Variants in FAM20A observed in about 807,000 individuals in gnomAD.
FAM20A encodes the protein FAM20A golgi associated secretory pathway pseudokinase.
FAM20A carries 42 observed loss-of-function variants against 52.0 expected under a neutral mutation model. The observed-to-expected ratio is 0.81, with a 90% CI of 0.63 to 1.04. FAM20A has a LOEUF of 1.04. Ranked by LOEUF, FAM20A falls within the 50% of genes least tolerant of loss-of-function variation. FAM20A has a pLI of 0.00. For missense variants in FAM20A, 742 were observed against 712.7 expected (o/e 1.04, Z -0.47); for synonymous variants, 304 against 298.9 (o/e 1.02, Z -0.18).
chr17:68,591,622 C>G lies in FAM20A; in HGVS notation c.404+8641G>C, dbSNP rs114447001. 2.2e-3 allele frequency among the ~76,000 whole-genome samples: 329 copies of G among 152,350 alleles called. 4 individuals carry two copies. The highest frequency in any genetic ancestry group is 7.6e-3 in the African/African-American group (315 of 41,592). On this transcript the variant is annotated intron_variant, in intron 1 of 10. Coordinates refer to ENST00000592554, the MANE Select transcript of FAM20A (RefSeq NM_017565.4). ...GCTAAGGGTCCCTGGCGAAACCCCA[C>G]CTTCAAGCCTAAAACAGCCTGAAGG... is the stretch of plus-strand genomic sequence containing the variant.
At chr17:68,564,109 TGTC>T (rs2087303228) in intron 1 of FAM20A, among the ~76,000 whole-genome samples, 1 of 151,988 alleles carries the variant, frequency 6.6e-6, no homozygotes, top group South Asian at 2.1e-4. Context: ...TCAATGCTAG[TGTC>T]GTTGCTATGA....
At chr17:68,596,201 C>CCACACACA (rs140687859) in intron 1 of FAM20A, among the ~76,000 whole-genome samples, 24 of 149,572 alleles carry the variant, frequency 1.6e-4, no homozygotes, top group Non-Finnish European at 2.4e-4. Context: ...ATGTGGGAAA[C>CCACACACA]CACACACACA....
rs1415985066 is a variant in FAM20A at position 68,535,927 on chromosome 17, C to T, written c.*1550G>A. 1 of 453,916 alleles carries T rather than the reference C, an allele frequency of 2.2e-6. No homozygotes were observed. The highest frequency in any genetic ancestry group is 4.4e-6 in the Non-Finnish European group (1 of 226,796). The allele number at this position is 453,916 out of a possible 1,614,324, so 28.1% of individuals were successfully genotyped here. ...TAAACCACTAAATTGTGTGATTTTG[C>T]TTACTCTCTCTGAGATTTAAAGTTC... On this transcript the variant is annotated 3_prime_UTR_variant, in exon 11 of 11. Coordinates refer to ENST00000592554, the MANE Select transcript of FAM20A (RefSeq NM_017565.4).
chr17:68,540,880 G>T lies in FAM20A; in HGVS notation c.1188C>A (p.Val396=). 6.2e-7 allele frequency: 1 copy of T among 1,604,676 alleles called. No individual in the cohort carries two copies. The highest frequency in any genetic ancestry group is 8.5e-7 in the Non-Finnish European group (1 of 1,175,602). Residue 396 remains valine, a synonymous_variant, in exon 8 of 11, where the codon GTC becomes GTA. Coordinates refer to ENST00000592554, the MANE Select transcript of FAM20A (RefSeq NM_017565.4). ...AGAAGTCGAAGATGGCCATGTCGAT[G>T]ACATTGAGGAGCCGCTGGCTGTTGT... The part of the protein sequence containing the change: ...PYNNSQRLLN[V]IDMAIFDFLI...
intron 1 of FAM20A, among the ~76,000 whole-genome samples, chr17:68,590,638 G>A (rs1220163980): frequency 1.3e-5 from 2 of 152,236 alleles, no homozygotes; most frequent in Non-Finnish European, 2.9e-5. Flanking sequence ...ATTTATGATT[G>A]AATTTGCTTT....
chr17:68,598,920 G>A (rs977187203), intron 1 of FAM20A, among the ~76,000 whole-genome samples: 9 of 152,110 alleles, frequency 5.9e-5, no homozygotes, highest in Admixed American at 5.9e-4. Flanking sequence ...TGTTATTGAC[G>A]AAATAAAGAT....
chr17:68,589,335 A>G (rs12938644), intron 1 of FAM20A, among the ~76,000 whole-genome samples: 27,047 of 152,238 alleles, frequency 0.18, 2,730 homozygotes, highest in East Asian at 0.35. Flanking sequence ...AGAACCATTC[A>G]GCTGAACCCA....
intron 4 of FAM20A, chr17:68,551,195 C>T: frequency 1.8e-5 from 20 of 1,122,464 alleles, no homozygotes; most frequent in Non-Finnish European, 1.9e-5. Flanking sequence ...GAAACCCAAA[C>T]TCACACCAAG....
At chr17:68,540,267 C>T (rs1032402128) in intron 8 of FAM20A, among the ~76,000 whole-genome samples, 6 of 152,200 alleles carry the variant, frequency 3.9e-5, no homozygotes, top group Non-Finnish European at 7.3e-5. Context: ...ATCTTTTCAC[C>T]TCGTGTATGT....
intron 1 of FAM20A, among the ~76,000 whole-genome samples, chr17:68,597,839 G>T (rs1423114235): frequency 6.6e-6 from 1 of 152,098 alleles, no homozygotes; most frequent in African/African-American, 2.4e-5. Flanking sequence ...ATCTAGGGGT[G>T]TCCTCGACCC....
intron 4 of FAM20A, among the ~76,000 whole-genome samples, chr17:68,546,672 T>A (rs1024150284): frequency 6.6e-6 from 1 of 151,788 alleles, no homozygotes; most frequent in African/African-American, 2.4e-5. Context: ...CTACTAAAAA[T>A]ACAAAAAATT....
At chr17:68,575,666 TTTA>T (rs1181132915) in intron 1 of FAM20A, among the ~76,000 whole-genome samples, 1 of 122,076 alleles carries the variant, frequency 8.2e-6, no homozygotes. Context: ...ATATTTTATA[TTTA>T]TATATTATAT....
Position 68,550,740 on chromosome 17 carries a change from G to A in FAM20A, c.719+1133C>T, listed in dbSNP as rs1396234779. ...TGCCTGGGCCTTGGGATCACGGGGA[G>A]AGCCCCCAGAGCTAGTCCACTGGAC... On this transcript the variant is annotated intron_variant, in intron 4 of 10. Coordinates refer to ENST00000592554, the MANE Select transcript of FAM20A (RefSeq NM_017565.4). Among the ~76,000 whole-genome samples, 5 of 152,180 alleles carry A rather than the reference G, an allele frequency of 3.3e-5. No individual in the cohort carries two copies. In the East Asian group the frequency reaches 7.7e-4, roughly 23 times the overall value.
At chr17:68,566,412 C>T (rs2087378435) in intron 1 of FAM20A, among the ~76,000 whole-genome samples, 1 of 152,136 alleles carries the variant, frequency 6.6e-6, no homozygotes, top group Non-Finnish European at 1.5e-5. Flanking sequence ...GCTACTATGG[C>T]CTGAGTATAT....
At chr17:68,578,547 T>C (rs188502102) in intron 1 of FAM20A, among the ~76,000 whole-genome samples, 3 of 152,212 alleles carry the variant, frequency 2.0e-5, no homozygotes, top group East Asian at 1.9e-4. Flanking sequence ...TATTAATGTG[T>C]TTTTTGTTCT....
chr17:68,537,345 G>T lies in FAM20A; in HGVS notation c.*132C>A. On this transcript the variant is annotated 3_prime_UTR_variant, in exon 11 of 11. Coordinates refer to ENST00000592554, the MANE Select transcript of FAM20A (RefSeq NM_017565.4). This position sits in a 1 kb window ranked among gnomAD's most constrained non-coding sequence, Gnocchi z 4.2. Reference sequence around the variant, plus strand: ...TCCATGGGCCCCACTTGCTGTTTGAGAAAATGTCCTGCTTCCTTCCTAGCT... The same window carrying T: ...TCCATGGGCCCCACTTGCTGTTTGATAAAATGTCCTGCTTCCTTCCTAGCT... 8.4e-7 allele frequency: 1 copy of T among 1,192,814 alleles called. No homozygotes were observed. Among genetic ancestry groups the T allele is most frequent in the African/African-American group, 1.5e-5 (1 of 66,764 alleles). The allele number at this position is 1,192,814 out of a possible 1,614,324, so 73.9% of individuals were successfully genotyped here. A position where few individuals can be genotyped will look rare whatever the true frequency, so the allele number is the denominator to read the frequency against.
At position 68,535,432 on chromosome 17, in the gene FAM20A, C is replaced by G. The variant is rs143835729; in HGVS notation, c.*2045G>C. 152 of 454,016 alleles carry G rather than the reference C, an allele frequency of 3.3e-4. No individual in the cohort carries two copies. The Middle Eastern group carries it at 3.5e-3, about 10-fold the overall frequency. The allele number at this position is 454,016 out of a possible 1,614,324, so 28.1% of individuals were successfully genotyped here. On this transcript the variant is annotated 3_prime_UTR_variant, in exon 11 of 11. Coordinates refer to ENST00000592554, the MANE Select transcript of FAM20A (RefSeq NM_017565.4). The stretch of plus-strand genomic sequence containing the variant: ...TTGAGGTAGAGCTGTAGCCTGCTTT[C>G]CTGAGAGTCTTATTTGGAAGTCCCA...
intron 1 of FAM20A, among the ~76,000 whole-genome samples, chr17:68,581,370 CTT>C (rs1555832022): frequency 7.2e-6 from 1 of 139,462 alleles, no homozygotes; most frequent in Non-Finnish European, 1.5e-5. Context: ...TTCTTTCTTT[CTT>C]TCTTTCTTTC....
rs995470117 is a variant in FAM20A, at chr17:68,535,489, A to G, written c.*1988T>C. 9 of 453,778 alleles carry G rather than the reference A, an allele frequency of 2.0e-5. No individual in the cohort carries two copies. Among genetic ancestry groups the G allele is most frequent in the African/African-American group, 1.6e-4 (8 of 49,906 alleles). 28.1% of individuals were successfully genotyped at this position (453,778 alleles called of 1,614,324 possible). A position where few individuals can be genotyped will look rare whatever the true frequency, so the allele number is the denominator to read the frequency against. ...TTTGTGCTATTCTTTGAATGTTTTTACCCAGATATTTTCCCATTTCTGTGT... is the reference window on the plus strand; with the variant it reads ...TTTGTGCTATTCTTTGAATGTTTTTGCCCAGATATTTTCCCATTTCTGTGT... On this transcript the variant is annotated 3_prime_UTR_variant, in exon 11 of 11. Transcript: ENST00000592554.
Sources: allele counts gnomAD v4.1 joint callset (sites outside exome capture counted in the v4.1 genomes callset), GRCh38; gene constraint gnomAD v4.1.1; non-coding constraint Gnocchi (gnomAD v3.1); transcripts MANE v1.5; gene names NCBI Gene and HGNC (gene_info 2026-07-23, HGNC 2026-07-21).